Variants in COG5 observed in about 807,000 individuals in gnomAD.
COG5 encodes conserved oligomeric Golgi complex subunit 5.
In COG5, 86 loss-of-function variants were observed where a neutral mutation model predicts 110.4. That is an observed-to-expected ratio of 0.78 (90% CI 0.65 to 0.93). The LOEUF (loss-of-function observed/expected upper bound fraction) is 0.93, where lower values mean the gene tolerates loss of function less well. COG5 is among the 40% of genes least tolerant of loss of function. The pLI is 0.00. For synonymous variants in COG5, 360 were observed against 334.6 expected (o/e 1.08, Z -0.83); for missense variants, 1,077 against 987.0 (o/e 1.09, Z -1.22).
chr7:107,532,292 T>C (rs1386276856), intron 5 of COG5, among the ~76,000 whole-genome samples: 1 of 152,016 alleles, frequency 6.6e-6, no homozygotes, highest in Non-Finnish European at 1.5e-5. Flanking sequence ...CCTGACCTCA[T>C]GTGATCCACC....
At chr7:107,278,337 A>G (rs183148036) in intron 14 of COG5, among the ~76,000 whole-genome samples, 131 of 152,146 alleles carry the variant, frequency 8.6e-4, no homozygotes, top group Admixed American at 1.3e-4. Flanking sequence ...TTTGTTACAT[A>G]GGTATACACG....
rs7790535 is a variant in COG5 at position 107,208,489 on chromosome 7, A to G, written c.2375+2037T>C. On this transcript the variant is annotated intron_variant, in intron 21 of 21. Coordinates refer to ENST00000297135, the MANE Select transcript of COG5 (RefSeq NM_006348.5). ...TGAGAAAAATGAACGTGTTCAATTA[A>G]CTGAATCCTCTTTTTAAGACGACTG... is the stretch of plus-strand genomic sequence containing the variant. 12,636 of 985,366 alleles carry G rather than the reference A, an allele frequency of 0.013. 1,192 individuals are homozygous for G. In the African/African-American group the frequency reaches 0.2, roughly 16 times the overall value. The allele number at this position is 985,366 out of a possible 1,614,324, so 61.0% of individuals were successfully genotyped here. A position where few individuals can be genotyped will look rare whatever the true frequency, so the allele number is the denominator to read the frequency against.
chr7:107,542,663 A>T (rs1357952438), intron 5 of COG5, among the ~76,000 whole-genome samples: 2 of 152,200 alleles, frequency 1.3e-5, no homozygotes, highest in African/African-American at 4.8e-5. Context: ...ATTCTACAGC[A>T]ATAAAAATGA....
At chr7:107,371,654 AT>A (rs1814174585) in intron 8 of COG5, among the ~76,000 whole-genome samples, 2 of 152,222 alleles carry the variant, frequency 1.3e-5, no homozygotes, top group Admixed American at 1.3e-4. Context: ...AAGAAATAAC[AT>A]GCAGGTAGTA....
chr7:107,518,548 C>A (rs1361288846), intron 6 of COG5, among the ~76,000 whole-genome samples: 1 of 151,926 alleles, frequency 6.6e-6, no homozygotes, highest in South Asian at 2.1e-4. Flanking sequence ...CAACAAAGAT[C>A]AAAAAAGACA....
chr7:107,224,907 G>C (rs940143533), intron 19 of COG5, among the ~76,000 whole-genome samples: 1 of 152,254 alleles, frequency 6.6e-6, no homozygotes, highest in African/African-American at 2.4e-5. Context: ...AATGTAGACA[G>C]TAAAATGTAA....
At chr7:107,328,614 T>TG (rs977750524) in intron 10 of COG5, among the ~76,000 whole-genome samples, 7 of 152,218 alleles carry the variant, frequency 4.6e-5, no homozygotes, top group African/African-American at 1.7e-4. Flanking sequence ...TGCCAAGAGA[T>TG]GGGGGACAGG....
chr7:107,401,849 A>G (rs1791455523), intron 7 of COG5, among the ~76,000 whole-genome samples: 1 of 152,198 alleles, frequency 6.6e-6, no homozygotes. Flanking sequence ...TCCCAAAACA[A>G]TTGCTTGCTG....
chr7:107,249,395 A>G (rs1243979686), intron 16 of COG5, among the ~76,000 whole-genome samples: 3 of 152,132 alleles, frequency 2.0e-5, no homozygotes, highest in Non-Finnish European at 2.9e-5. Flanking sequence ...TGATAGTGCC[A>G]TGGTTGGGAA....
At position 107,201,535 on chromosome 7, in the gene COG5, A is replaced by G. The variant is rs1798305599; in HGVS notation, c.*1981T>C. The G allele has an allele frequency of 1.6e-6, 1 of 631,164 alleles. No individual in the cohort carries two copies. Among genetic ancestry groups the G allele is most frequent in the Non-Finnish European group, 2.9e-6 (1 of 347,732 alleles). 39.1% of individuals were successfully genotyped at this position (631,164 alleles called of 1,614,324 possible). On this transcript the variant is annotated 3_prime_UTR_variant, in exon 22 of 22. Coordinates refer to ENST00000297135, the MANE Select transcript of COG5 (RefSeq NM_006348.5). ...TCACCATTTGTCCTCAATTCGTGTGACCATAAGATACTGATAGCATTGAGT... is the reference window on the plus strand; with the variant it reads ...TCACCATTTGTCCTCAATTCGTGTGGCCATAAGATACTGATAGCATTGAGT...
intron 14 of COG5, among the ~76,000 whole-genome samples, chr7:107,262,858 T>A (rs1313112887): frequency 2.6e-5 from 4 of 152,184 alleles, no homozygotes; most frequent in African/African-American, 9.7e-5. Context: ...AATTTCTTAA[T>A]CTGTAACACG....
chr7:107,419,035 A>G (rs1333179957), intron 6 of COG5, among the ~76,000 whole-genome samples: 1 of 152,222 alleles, frequency 6.6e-6, no homozygotes, highest in Non-Finnish European at 1.5e-5. Context: ...TGTATTTGGA[A>G]TACTTTAATC....
intron 6 of COG5, among the ~76,000 whole-genome samples, chr7:107,523,468 A>G (rs1303671857): frequency 6.6e-6 from 1 of 152,076 alleles, no homozygotes; most frequent in Non-Finnish European, 1.5e-5. Flanking sequence ...ACAGTGTAAC[A>G]TGTGTTGGCA....
intron 10 of COG5, among the ~76,000 whole-genome samples, chr7:107,332,750 G>T (rs1214560663): frequency 6.6e-6 from 1 of 152,142 alleles, no homozygotes; most frequent in East Asian, 1.9e-4. Context: ...GTAGCTTACT[G>T]AAACCTGAGT....
intron 5 of COG5, among the ~76,000 whole-genome samples, chr7:107,545,452 G>C (rs1297779540): frequency 1.3e-5 from 2 of 152,090 alleles, no homozygotes; most frequent in African/African-American, 4.8e-5. Flanking sequence ...AATCTTATAA[G>C]CCAGGAGAGA....
At position 107,412,531 on chromosome 7, in the gene COG5, G is replaced by A. The variant is rs144485187; in HGVS notation, c.640C>T (p.Arg214Cys). ...GTCTCCAAACCCTGCTCTAGTAGGC[G>A]CTTAGCTTGATTTTCCACTTCAAGT... ...ARLEVENQAKRLLEQGLETQN... is the reference protein window; with the variant it reads ...ARLEVENQAKCLLEQGLETQN... The change falls in exon 7 of 22, where the codon CGC (arginine) becomes TGC (cysteine). Residue 214 changes from arginine to cysteine, a missense_variant. By Grantham distance (180) the Arg-to-Cys change is radical. Transcript: ENST00000297135. The A allele has an allele frequency of 1.4e-5, 23 of 1,612,556 alleles. No individual in the cohort carries two copies. The highest frequency in any genetic ancestry group is 4.4e-5 in the South Asian group (4 of 91,056).
In COG5 at chr7:107,533,701, G is replaced by A. The variant is rs1041866001; in HGVS notation, c.418-6344C>T. Among the ~76,000 whole-genome samples, 4 of 151,562 alleles carry A rather than the reference G, an allele frequency of 2.6e-5. 1 individual carries two copies. Among genetic ancestry groups the A allele is most frequent in the African/African-American group, 9.8e-5 (4 of 40,878 alleles). On this transcript the variant is annotated intron_variant, in intron 5 of 21. Coordinates refer to ENST00000297135, the MANE Select transcript of COG5 (RefSeq NM_006348.5). ...AAACCTACATTTGATTGCTGTACCC[G>A]AAAGCGATGGGGAGAATGGAACCAA... is the stretch of plus-strand genomic sequence containing the variant.
intron 6 of COG5, among the ~76,000 whole-genome samples, chr7:107,467,159 C>T (rs181564819): frequency 5.9e-5 from 9 of 152,038 alleles, no homozygotes; most frequent in Admixed American, 3.9e-4. Flanking sequence ...AAGAAAAGCA[C>T]GACTTTTAAA....
At chr7:107,514,011 C>G (rs893890891) in intron 6 of COG5, among the ~76,000 whole-genome samples, 1 of 151,880 alleles carries the variant, frequency 6.6e-6, no homozygotes, top group Admixed American at 6.6e-5. Context: ...AACAAACCTG[C>G]ACATTGTGCA....
Sources: allele counts gnomAD v4.1 joint callset (sites outside exome capture counted in the v4.1 genomes callset), GRCh38; gene constraint gnomAD v4.1.1; transcripts MANE v1.5; gene names NCBI Gene and HGNC (gene_info 2026-07-23, HGNC 2026-07-21).